ABCC12: variants seen among roughly 807,000 people sequenced by gnomAD.
ABCC12 encodes the protein ATP binding cassette subfamily C member 12, also known as ATP-binding cassette sub-family C member 12.
ABCC12 carries 142 observed loss-of-function variants against 151.1 expected under a neutral mutation model. The observed-to-expected ratio is 0.94, with a 90% CI of 0.82 to 1.08. The LOEUF (loss-of-function observed/expected upper bound fraction) is 1.08. ABCC12 is among the 50% of genes least tolerant of loss of function. ABCC12 has a pLI of 0.00. For missense variants in ABCC12, 1,638 were observed against 1,691.1 expected (o/e 0.97, Z 0.55); for synonymous variants, 645 against 646.4 (o/e 1.00, Z 0.03).
At chr16:48,108,049 A>G (rs1388182461) in intron 19 of ABCC12, among the ~76,000 whole-genome samples, 2 of 152,256 alleles carry the variant, frequency 1.3e-5, no homozygotes, top group East Asian at 3.9e-4. Flanking sequence ...AAAGAAACCA[A>G]GGAAAACCCA....
Position 48,141,261 on chromosome 16 carries a change from A to G in ABCC12, c.368T>C (p.Val123Ala), listed in dbSNP as rs1448495986. The change falls in exon 5 of 31, where the codon GTG (valine) becomes GCG (alanine). Residue 123 changes from valine to alanine, a missense_variant. Physicochemically the swap from Val to Ala is moderately conservative, Grantham distance 64. Transcript: ENST00000311303. ...HVVWKFQRTRVLMDIVANILC... is the reference protein window; with the variant it reads ...HVVWKFQRTRALMDIVANILC... The stretch of plus-strand genomic sequence containing the variant: ...GATGTTGGCCACGATGTCCATCAAC[A>G]CGCGTGTCCTCTGGAATTTCCACAC... 6.2e-7 allele frequency: 1 copy of G among 1,614,230 alleles called. No individual in the cohort carries two copies. The highest frequency in any genetic ancestry group is 8.5e-7 in the Non-Finnish European group (1 of 1,180,044).
intron 27 of ABCC12, chr16:48,087,662 C>T (rs770598510): frequency 4.9e-4 from 171 of 346,488 alleles, no homozygotes; most frequent in Middle Eastern, 3.3e-3. Flanking sequence ...AATATCTGCT[C>T]AGTGTATGAA....
chr16:48,098,893 G>A (rs1195050707), intron 23 of ABCC12, among the ~76,000 whole-genome samples: 3 of 152,190 alleles, frequency 2.0e-5, no homozygotes, highest in Admixed American at 1.3e-4. Context: ...GTTTGCATGT[G>A]TGTTTGTTGT....
chr16:48,148,582 A>T (rs1965073272), intron 2 of ABCC12, among the ~76,000 whole-genome samples: 1 of 152,100 alleles, frequency 6.6e-6, no homozygotes, highest in Admixed American at 6.6e-5. Context: ...ACCCAGCTGT[A>T]GATTCCTAAT....
At chr16:48,145,563 C>T (rs1964969506) in intron 3 of ABCC12, among the ~76,000 whole-genome samples, 1 of 152,206 alleles carries the variant, frequency 6.6e-6, no homozygotes, top group Non-Finnish European at 1.5e-5. Flanking sequence ...TTGTGATCTG[C>T]TTTGGCCAAT....
At chr16:48,134,411 C>T (rs1455825916) in intron 8 of ABCC12, among the ~76,000 whole-genome samples, 1 of 152,200 alleles carries the variant, frequency 6.6e-6, no homozygotes, top group Non-Finnish European at 1.5e-5. Context: ...TAGCCTGAAA[C>T]AACAGCCAAG....
intron 15 of ABCC12, among the ~76,000 whole-genome samples, chr16:48,112,627 C>A (rs1963736982): frequency 1.3e-5 from 2 of 152,098 alleles, no homozygotes; most frequent in South Asian, 4.1e-4. Flanking sequence ...GAAATCTGAT[C>A]ATGGAGATTT....
chr16:48,129,205 T>C (rs1964340407), intron 10 of ABCC12, among the ~76,000 whole-genome samples: 1 of 152,174 alleles, frequency 6.6e-6, no homozygotes, highest in Non-Finnish European at 1.5e-5. Context: ...CAAATATAAA[T>C]AAGACACAGT....
rs1567451553 is a variant in ABCC12, at chr16:48,117,277, T to C, written c.1769A>G (p.Tyr590Cys). The C allele has an allele frequency of 1.3e-5, 21 of 1,613,750 alleles. No homozygotes were observed. Among genetic ancestry groups the C allele is most frequent in the East Asian group, 2.2e-5 (1 of 44,860 alleles). The change falls in exon 14 of 31, where the codon TAT becomes TGT. Residue 590 changes from tyrosine (Y) to cysteine (C), a missense_variant. Coordinates refer to ENST00000311303, the MANE Select transcript of ABCC12 (RefSeq NM_001393797.1). ...GLQKDLSNLP[Y>C]GDLTEIGERG... is the part of the protein sequence containing the mutation. ...CCCGCTCACCTCAGTCAGGTCTCCA[T>C]AGGGGAGGTTGCTCAGGTCCTTCTG...
At chr16:48,135,060 A>AG (rs2150663538) in intron 8 of ABCC12, among the ~76,000 whole-genome samples, 1 of 152,120 alleles carries the variant, frequency 6.6e-6, no homozygotes, top group South Asian at 2.1e-4. Flanking sequence ...AAAAAAAAAA[A>AG]AAAAAAAGAT....
chr16:48,107,510 G>T, intron 19 of ABCC12, 85 bp from the exon 20 acceptor site: 1 of 1,209,898 alleles, frequency 8.3e-7, no homozygotes, highest in Non-Finnish European at 1.2e-6. Flanking sequence ...AACCCTGATG[G>T]GAAATTCAAA....
chr16:48,136,507 G>C (rs1226593023), intron 8 of ABCC12, among the ~76,000 whole-genome samples: 1 of 152,204 alleles, frequency 6.6e-6, no homozygotes, highest in African/African-American at 2.4e-5. Context: ...TACATGCCAG[G>C]TGCTGCACCT....
At position 48,128,763 on chromosome 16, in the gene ABCC12, T is replaced by G. The variant is rs981697258; in HGVS notation, c.1237-26A>C. On this transcript the variant is annotated intron_variant, in intron 10 of 30. Transcript: ENST00000311303. ...CTAAGATTAAAGAGACAAAATTAAC[T>G]GAGCAGATGTCATCCATTTGCAAGA... 10 of 1,599,856 alleles carry G rather than the reference T, an allele frequency of 6.3e-6. No homozygotes were observed. In the African/African-American group the frequency reaches 6.7e-5, roughly 11 times the overall value.
At chr16:48,153,278 G>T (rs949780574) in intron 2 of ABCC12, among the ~76,000 whole-genome samples, 44 of 152,184 alleles carry the variant, frequency 2.9e-4, no homozygotes, top group African/African-American at 1.0e-3. Flanking sequence ...TCAGTGAAGG[G>T]TAGTTGGGAT....
Position 48,114,662 on chromosome 16 carries a change from C to G in ABCC12, c.1989+753G>C, listed in dbSNP as rs370838246. 3.3e-5 allele frequency among the ~76,000 whole-genome samples: 5 copies of G among 152,306 alleles called. No individual in the cohort carries two copies. In the East Asian group the frequency reaches 9.7e-4, roughly 29 times the overall value. On this transcript the variant is annotated intron_variant, in intron 15 of 30. Transcript: ENST00000311303. Reference sequence around the variant, plus strand: ...CACTGCCCCCCCTTCCCCCACACATCTCTGGGGATTCCCTACAAAGAAGAG... The same window carrying G: ...CACTGCCCCCCCTTCCCCCACACATGTCTGGGGATTCCCTACAAAGAAGAG...
chr16:48,087,859 C>T (rs537171921), intron 27 of ABCC12, 67 bp downstream of exon 27: 3 of 1,547,562 alleles, frequency 1.9e-6, no homozygotes, highest in East Asian at 4.5e-5. Flanking sequence ...GGGGACATCA[C>T]AAAGTTCTTG....
rs1454355347 is a variant in ABCC12 at position 48,130,174 on chromosome 16, T to C, written c.1236+614A>G. Among the ~76,000 whole-genome samples, 7 of 152,226 alleles carry C rather than the reference T, an allele frequency of 4.6e-5. No homozygotes were observed. In the South Asian group the frequency reaches 1.0e-3, roughly 22 times the overall value. On this transcript the variant is annotated intron_variant, in intron 10 of 30. Transcript: ENST00000311303. ...CCCTTCTTCCCTTTCCTCTCCTCAGTTGAACTTTCAAACCACTTTATTTGC... is the reference window on the plus strand; with the variant it reads ...CCCTTCTTCCCTTTCCTCTCCTCAGCTGAACTTTCAAACCACTTTATTTGC...
chr16:48,141,040 G>T, intron 5 of ABCC12, 120 bp from the exon 6 acceptor site: 2 of 1,373,950 alleles, frequency 1.5e-6, no homozygotes, highest in Non-Finnish European at 2.0e-6. Flanking sequence ...AATTTTAGTG[G>T]CTGCTGCTGT....
chr16:48,117,498 G>A (rs1394845390), intron 13 of ABCC12, among the ~76,000 whole-genome samples, 165 bp from the exon 14 acceptor site: 1 of 152,212 alleles, frequency 6.6e-6, no homozygotes, highest in Non-Finnish European at 1.5e-5. Flanking sequence ...TGACCCAAGG[G>A]TAGCGTCCCA....
Sources: gnomAD v4.1 joint callset for allele counts (sites outside exome capture counted in the v4.1 genomes callset) on GRCh38, gnomAD v4.1.1 for gene constraint, MANE v1.5 for transcripts, NCBI Gene and HGNC (gene_info 2026-07-23, HGNC 2026-07-21) for gene names.